The following TVP23B variants were observed in gnomAD, a reference collection of about 807,000 sequenced individuals.
TVP23B encodes the protein trans-golgi network vesicle protein 23 homolog B.
TVP23B carries 10 observed loss-of-function variants against 30.6 expected under a neutral mutation model. The observed-to-expected ratio is 0.33, with a 90% CI of 0.20 to 0.55. TVP23B has a LOEUF of 0.55. TVP23B is among the 20% of genes least tolerant of loss of function. TVP23B has a pLI of 0.91. For missense variants in TVP23B, 153 were observed against 243.2 expected (o/e 0.63, Z 2.47); for synonymous variants, 67 against 83.1 (o/e 0.81, Z 1.06).
intron 5 of TVP23B, among the ~76,000 whole-genome samples, chr17:18,800,696 T>C (rs1393588677): frequency 6.6e-6 from 1 of 152,102 alleles, no homozygotes; most frequent in African/African-American, 2.4e-5. Context: ...TCAAGTTTTC[T>C]GGAGTCTGTG....
In TVP23B at chr17:18,781,203, C is replaced by T. The variant is rs1350005793; in HGVS notation, c.-91C>T. ...AGGCTCTTACAGTGGTCCCTGCTGG[C>T]CCTTGGTGACGGGTCGCCTCAGTTC... On this transcript the variant is annotated 5_prime_UTR_variant, in exon 1 of 7. Coordinates refer to ENST00000307767, the MANE Select transcript of TVP23B (RefSeq NM_016078.6). The T allele has an allele frequency of 1.0e-5, 16 of 1,538,616 alleles. No individual in the cohort carries two copies. The highest frequency in any genetic ancestry group is 2.0e-5 in the Admixed American group (1 of 50,224).
At chr17:18,787,668 C>T (rs2151844160) in intron 1 of TVP23B, among the ~76,000 whole-genome samples, 1 of 152,264 alleles carries the variant, frequency 6.6e-6, no homozygotes, top group African/African-American at 2.4e-5. Context: ...ATGTGAAAGG[C>T]AGGAGATGGG....
At chr17:18,788,538 T>C (rs1042674506) in intron 1 of TVP23B, among the ~76,000 whole-genome samples, 1 of 152,048 alleles carries the variant, frequency 6.6e-6, no homozygotes, top group Non-Finnish European at 1.5e-5. Flanking sequence ...TCCCAGCACT[T>C]TGGGAGGCTG....
chr17:18,805,753 G>C lies in TVP23B; in HGVS notation c.*186G>C, dbSNP rs181253239. ...TTTTATTTCCTTTCCAGCAGTTGGG[G>C]CTAGAAAGTATGTGTTGGCACTAGA... On this transcript the variant is annotated 3_prime_UTR_variant, in exon 7 of 7. Coordinates refer to ENST00000307767, the MANE Select transcript of TVP23B (RefSeq NM_016078.6). 2 of 1,432,914 alleles carry C rather than the reference G, an allele frequency of 1.4e-6. No homozygotes were observed. The highest frequency in any genetic ancestry group is 5.1e-5 in the East Asian group (2 of 39,382). 88.8% of individuals were successfully genotyped at this position (1,432,914 alleles called of 1,614,324 possible).
chr17:18,793,443 TAAAAA>T (rs67506831), intron 3 of TVP23B, among the ~76,000 whole-genome samples: 1 of 100,254 alleles, frequency 1.0e-5, no homozygotes. Context: ...CCATCTCTGC[TAAAAA>T]AAAAAAAAAA....
chr17:18,790,135 A>G (rs1170926630), intron 2 of TVP23B, among the ~76,000 whole-genome samples: 2 of 152,172 alleles, frequency 1.3e-5, no homozygotes, highest in African/African-American at 2.4e-5. Context: ...AGTAAATTGT[A>G]TGATATGTGA....
chr17:18,797,564 A>G lies in TVP23B; in HGVS notation c.241-15A>G. On this transcript the variant is annotated splice_polypyrimidine_tract_variant and intron_variant, in intron 3 of 6. Transcript: ENST00000307767. ...ATGCTTTTAAAATGTGCCTGTTTAT[A>G]TTAATCTTCACCAGAATGTCACAGG... The G allele has an allele frequency of 1.2e-6, 2 of 1,612,876 alleles. No homozygotes were observed. Among genetic ancestry groups the G allele is most frequent in the South Asian group, 1.1e-5 (1 of 90,768 alleles).
At chr17:18,802,243 A>T (rs1006470250) in intron 5 of TVP23B, among the ~76,000 whole-genome samples, 5 of 152,146 alleles carry the variant, frequency 3.3e-5, no homozygotes, top group Non-Finnish European at 5.9e-5. Flanking sequence ...AAATAAAAAT[A>T]ATAAAAATAA....
intron 5 of TVP23B, among the ~76,000 whole-genome samples, chr17:18,799,789 G>C (rs1201504183): frequency 6.6e-6 from 1 of 151,706 alleles, no homozygotes; most frequent in Non-Finnish European, 1.5e-5. Context: ...AATATTTATT[G>C]ATATCAGATA....
chr17:18,805,060 T>A (rs1178181572), intron 6 of TVP23B, among the ~76,000 whole-genome samples: 2 of 150,924 alleles, frequency 1.3e-5, no homozygotes, highest in African/African-American at 4.9e-5. Context: ...TTAAATTTCT[T>A]GGGAAAAGTG....
chr17:18,785,763 G>A (rs2035895747), intron 1 of TVP23B, among the ~76,000 whole-genome samples: 2 of 152,118 alleles, frequency 1.3e-5, no homozygotes, highest in African/African-American at 2.4e-5. Flanking sequence ...AGGCTGAGAT[G>A]TAGGACCTGC....
intron 3 of TVP23B, among the ~76,000 whole-genome samples, chr17:18,793,443 T>TAAA (rs67506831): frequency 2.0e-5 from 2 of 100,254 alleles, no homozygotes; most frequent in African/African-American, 7.8e-5. Context: ...CCATCTCTGC[T>TAAA]AAAAAAAAAA....
chr17:18,785,072 C>T (rs1423568999), intron 1 of TVP23B, among the ~76,000 whole-genome samples: 2 of 152,168 alleles, frequency 1.3e-5, no homozygotes, highest in African/African-American at 2.4e-5. Context: ...TTCTTGGCCT[C>T]GTGATTAAAG....
At chr17:18,781,553 A>C (rs905267856) in intron 1 of TVP23B, 70 of 559,292 alleles carry the variant, frequency 1.3e-4, no homozygotes, top group Non-Finnish European at 1.9e-4. Flanking sequence ...CCCATTGTTA[A>C]CCAGCGCGAG....
At chr17:18,800,270 C>T (rs1386459657) in intron 5 of TVP23B, among the ~76,000 whole-genome samples, 3 of 151,984 alleles carry the variant, frequency 2.0e-5, no homozygotes, top group Non-Finnish European at 4.4e-5. Context: ...CCTCCTTTCT[C>T]TCTTGTTTGT....
intron 6 of TVP23B, chr17:18,804,627 C>T (rs1478016896): frequency 1.3e-5 from 14 of 1,112,166 alleles, no homozygotes; most frequent in South Asian, 2.3e-5. Flanking sequence ...TTTGCTCTGT[C>T]GCCCAGGCTG....
At chr17:18,793,462 A>AT (rs1256738002) in intron 3 of TVP23B, among the ~76,000 whole-genome samples, 1 of 150,810 alleles carries the variant, frequency 6.6e-6, no homozygotes, top group Non-Finnish European at 1.5e-5. Context: ...AAAAAAAAAA[A>AT]AAATGAGCCG....
chr17:18,798,040 G>A (rs1414901812), intron 4 of TVP23B, among the ~76,000 whole-genome samples: 4 of 151,970 alleles, frequency 2.6e-5, no homozygotes, highest in East Asian at 3.9e-4. Flanking sequence ...TCCTGTGGTC[G>A]TCTTTCATTT....
chr17:18,792,530 C>T (rs2036013218), intron 3 of TVP23B, among the ~76,000 whole-genome samples: 1 of 152,172 alleles, frequency 6.6e-6, no homozygotes, highest in African/African-American at 2.4e-5. Flanking sequence ...ACATACTGCT[C>T]ACAGTTTTGA....
Sources: gnomAD v4.1 joint callset for allele counts (sites outside exome capture counted in the v4.1 genomes callset) on GRCh38, gnomAD v4.1.1 for gene constraint, MANE v1.5 for transcripts, NCBI Gene and HGNC (gene_info 2026-07-23, HGNC 2026-07-21) for gene names.